The following SGCZ variants were observed in gnomAD, a reference collection of about 807,000 sequenced individuals.
SGCZ encodes zeta-sarcoglycan.
In SGCZ, 40 loss-of-function variants were observed where a neutral mutation model predicts 41.3. The ratio of observed to expected loss-of-function variants is 0.97; its 90% CI spans 0.75 to 1.26. The LOEUF is 1.26. SGCZ is among the 50% of genes most tolerant of loss of function. The pLI is 0.00. For synonymous variants in SGCZ, 206 were observed against 137.5 expected (o/e 1.50, Z -3.49); for missense variants, 552 against 369.8 (o/e 1.49, Z -4.04).
At chr8:14,567,430 G>A (rs1030044786) in intron 1 of SGCZ, among the ~76,000 whole-genome samples, 1 of 152,172 alleles carries the variant, frequency 6.6e-6, no homozygotes, top group Non-Finnish European at 1.5e-5. Flanking sequence ...CTAATCTAGT[G>A]GGGACATGGA....
intron 4 of SGCZ, among the ~76,000 whole-genome samples, chr8:14,211,128 T>C (rs1805790854): frequency 6.6e-6 from 1 of 152,180 alleles, no homozygotes; most frequent in Non-Finnish European, 1.5e-5. Context: ...ACCCTGACCC[T>C]TTCAAAAGTT....
intron 2 of SGCZ, among the ~76,000 whole-genome samples, chr8:14,414,322 G>T (rs998001151): frequency 6.6e-6 from 1 of 151,762 alleles, no homozygotes; most frequent in Non-Finnish European, 1.5e-5. Flanking sequence ...TACTATATAC[G>T]TATGACACTA....
intron 1 of SGCZ, among the ~76,000 whole-genome samples, chr8:14,794,673 T>C (rs533922178): frequency 6.6e-6 from 1 of 152,250 alleles, no homozygotes; most frequent in African/African-American, 2.4e-5. Flanking sequence ...CTGAAAGGTA[T>C]AGGGTCCAGA....
At chr8:14,897,028 T>C (rs1805226639) in intron 1 of SGCZ, among the ~76,000 whole-genome samples, 1 of 152,016 alleles carries the variant, frequency 6.6e-6, no homozygotes, top group Non-Finnish European at 1.5e-5. Flanking sequence ...ATGATTCACC[T>C]GCCTCAGCCT....
chr8:15,171,340 C>G (rs1799823136), intron 1 of SGCZ, among the ~76,000 whole-genome samples: 1 of 152,150 alleles, frequency 6.6e-6, no homozygotes, highest in East Asian at 1.9e-4. Flanking sequence ...GTGTCTCATG[C>G]TTGAGTAGCT....
chr8:14,910,976 A>T (rs948636783), intron 1 of SGCZ, among the ~76,000 whole-genome samples: 1 of 152,024 alleles, frequency 6.6e-6, no homozygotes, highest in African/African-American at 2.4e-5. Context: ...CACACTTCTA[A>T]CAATCATATC....
chr8:15,067,387 A>C (rs1805193003), intron 1 of SGCZ, among the ~76,000 whole-genome samples: 1 of 152,210 alleles, frequency 6.6e-6, no homozygotes, highest in African/African-American at 2.4e-5. Context: ...TATTTTATTC[A>C]ACCTTCTGTT....
At chr8:14,538,076 A>G (rs1318714686) in intron 2 of SGCZ, among the ~76,000 whole-genome samples, 2 of 151,960 alleles carry the variant, frequency 1.3e-5, no homozygotes, top group Non-Finnish European at 2.9e-5. Context: ...GTGAGAGAAT[A>G]TAATTTTAAA....
At chr8:14,812,436 T>C (rs564139600) in intron 1 of SGCZ, among the ~76,000 whole-genome samples, 214 of 152,190 alleles carry the variant, frequency 1.4e-3, no homozygotes, top group African/African-American at 4.8e-3. Flanking sequence ...AGAGTATTTG[T>C]TTGTCAACAA....
rs954443170 is a variant in SGCZ, at chr8:14,085,122, C to A, written c.*5321G>T. The stretch of plus-strand genomic sequence containing the variant: ...GATATGTTATCTACAGTTTATAGGG[C>A]AGACAGTCCATTTAAATAGAAAAAG... On this transcript the variant is annotated 3_prime_UTR_variant, in exon 8 of 8. Coordinates refer to ENST00000382080, the MANE Select transcript of SGCZ (RefSeq NM_139167.4). 9.2e-5 allele frequency among the ~76,000 whole-genome samples: 14 copies of A among 151,658 alleles called. No individual in the cohort carries two copies. Among genetic ancestry groups the A allele is most frequent in the African/African-American group, 2.9e-4 (12 of 41,338 alleles).
At chr8:14,500,929 A>T (rs1224694508) in intron 2 of SGCZ, among the ~76,000 whole-genome samples, 1 of 152,046 alleles carries the variant, frequency 6.6e-6, no homozygotes, top group Non-Finnish European at 1.5e-5. Context: ...ATAATTATAC[A>T]CCTGTATTAG....
At chr8:14,268,169 C>T (rs894760281) in intron 3 of SGCZ, among the ~76,000 whole-genome samples, 15 of 149,312 alleles carry the variant, frequency 1.0e-4, no homozygotes, top group Middle Eastern at 3.6e-3. Context: ...ACAGAAACAA[C>T]GGAAGCAAAA....
intron 1 of SGCZ, among the ~76,000 whole-genome samples, chr8:14,565,944 T>C (rs1804346078): frequency 6.6e-6 from 1 of 152,246 alleles, no homozygotes; most frequent in African/African-American, 2.4e-5. Context: ...CAGATTCATG[T>C]AAATTATTTA....
intron 1 of SGCZ, among the ~76,000 whole-genome samples, chr8:15,000,168 G>A (rs533762760): frequency 4.7e-4 from 71 of 152,204 alleles, no homozygotes; most frequent in African/African-American, 1.5e-3. Context: ...GAGGGCAGCC[G>A]TCTCCAAGTC....
intron 1 of SGCZ, among the ~76,000 whole-genome samples, chr8:15,220,705 C>G (rs1801565395): frequency 1.3e-5 from 2 of 152,138 alleles, no homozygotes; most frequent in Non-Finnish European, 1.5e-5. Context: ...TATAAAGACA[C>G]ATGCATACGT....
intron 1 of SGCZ, among the ~76,000 whole-genome samples, chr8:15,026,583 C>G (rs562454380): frequency 2.2e-4 from 33 of 152,264 alleles, no homozygotes; most frequent in African/African-American, 7.5e-4. Flanking sequence ...TCAGATACCA[C>G]TAGAGATTGG....
At chr8:14,618,980 C>T (rs538908048) in intron 1 of SGCZ, among the ~76,000 whole-genome samples, 40 of 152,208 alleles carry the variant, frequency 2.6e-4, no homozygotes, top group Non-Finnish European at 5.4e-4. Flanking sequence ...ATCTAGTTTT[C>T]TCTTTTAGAT....
chr8:15,050,267 T>A lies in SGCZ; in HGVS notation c.39+187318A>T, dbSNP rs144903537. 3.7e-4 allele frequency among the ~76,000 whole-genome samples: 57 copies of A among 152,168 alleles called. 1 individual carries two copies. The highest frequency in any genetic ancestry group is 1.4e-3 in the African/African-American group (57 of 41,524). ...AACTTTGAACATATGAAAGTTGAGATTTTTATAACCCAACTGTGAGATGAT... is the reference window on the plus strand; with the variant it reads ...AACTTTGAACATATGAAAGTTGAGAATTTTATAACCCAACTGTGAGATGAT... On this transcript the variant is annotated intron_variant, in intron 1 of 7. Transcript: ENST00000382080.
At chr8:14,744,753 G>A (rs1240330984) in intron 1 of SGCZ, among the ~76,000 whole-genome samples, 1 of 152,158 alleles carries the variant, frequency 6.6e-6, no homozygotes, top group Admixed American at 6.6e-5. Context: ...GATTATTGCT[G>A]AAGAAATACC....
Sources: gnomAD v4.1 joint callset for allele counts (sites outside exome capture counted in the v4.1 genomes callset) on GRCh38, gnomAD v4.1.1 for gene constraint, MANE v1.5 for transcripts, NCBI Gene and HGNC (gene_info 2026-07-23, HGNC 2026-07-21) for gene names.